The following WDFY3 variants were observed in gnomAD, a reference collection of about 807,000 sequenced individuals.
WDFY3 encodes the protein WD repeat and FYVE domain containing 3, also known as WD repeat and FYVE domain-containing protein 3.
Under a neutral mutation model 409.6 loss-of-function variants are expected in WDFY3, and 66 were observed. The ratio of observed to expected loss-of-function variants is 0.16; its 90% CI spans 0.13 to 0.20. WDFY3 has a LOEUF of 0.20. Ranked by LOEUF, WDFY3 falls within the 10% of genes least tolerant of loss-of-function variation. WDFY3 has a pLI of 1.00. For missense variants in WDFY3, 3,031 were observed against 4,298.1 expected, an observed-to-expected ratio of 0.71 and a Z score of 8.24; for synonymous variants, 1,521 against 1,537.1, an observed-to-expected ratio of 0.99 and a Z score of 0.25.
At chr4:84,844,593 T>G (rs1184305604) in intron 5 of WDFY3, 2 of 1,128,608 alleles carry the variant, frequency 1.8e-6, no homozygotes, top group Non-Finnish European at 2.4e-6. Flanking sequence ...GGGGTCAACA[T>G]CATCCAGTCT....
At chr4:84,862,937 A>G (rs1760859949) in intron 3 of WDFY3, among the ~76,000 whole-genome samples, 1 of 152,216 alleles carries the variant, frequency 6.6e-6, no homozygotes, top group Non-Finnish European at 1.5e-5. Context: ...TATAATCCAC[A>G]TGTAAGTGAT....
chr4:84,674,168 G>A (rs1443843026), intron 67 of WDFY3, among the ~76,000 whole-genome samples: 1 of 152,090 alleles, frequency 6.6e-6, no homozygotes, highest in African/African-American at 2.4e-5. Context: ...ACATTTAATA[G>A]CAATGGATAA....
chr4:84,730,184 T>C (rs1193491044), intron 44 of WDFY3, among the ~76,000 whole-genome samples: 2 of 152,156 alleles, frequency 1.3e-5, no homozygotes, highest in African/African-American at 4.8e-5. Flanking sequence ...TTACTCTTTT[T>C]CTTAGAGAGC....
chr4:84,740,801 CA>C (rs1321137186), intron 38 of WDFY3, among the ~76,000 whole-genome samples: 1 of 151,954 alleles, frequency 6.6e-6, no homozygotes, highest in Non-Finnish European at 1.5e-5. Context: ...TTACTAAAAT[CA>C]TTTTTTTTTG....
chr4:84,690,385 C>G, intron 61 of WDFY3, 121 bp downstream of exon 61: 2 of 1,388,544 alleles, frequency 1.4e-6, no homozygotes, highest in South Asian at 2.7e-5. Context: ...CAGAACGTCA[C>G]TTTGGTTTTG....
intron 67 of WDFY3, among the ~76,000 whole-genome samples, chr4:84,675,453 T>C (rs950417144): frequency 2.0e-4 from 30 of 152,196 alleles, no homozygotes; most frequent in Admixed American, 2.0e-3. Context: ...CTGAACTTGG[T>C]GCTTTACAAC....
intron 58 of WDFY3, 33 bp from the exon 59 acceptor site, chr4:84,693,065 G>T (rs1306286516): frequency 4.4e-6 from 7 of 1,597,646 alleles, no homozygotes; most frequent in Non-Finnish European, 5.1e-6. Context: ...ACTTTATAAT[G>T]AAAGATAACA....
At chr4:84,925,727 G>A (rs1384071778) in intron 2 of WDFY3, among the ~76,000 whole-genome samples, 4 of 151,984 alleles carry the variant, frequency 2.6e-5, no homozygotes, top group Non-Finnish European at 2.9e-5. Flanking sequence ...TGTAAACAAC[G>A]TCCTTTATTT....
intron 52 of WDFY3, 121 bp downstream of exon 52, chr4:84,709,172 A>C: frequency 1.4e-6 from 2 of 1,415,358 alleles, no homozygotes; most frequent in African/African-American, 1.5e-5. Flanking sequence ...TTCTAAAAAG[A>C]ATGAAAATAA....
intron 43 of WDFY3, 44 bp from the exon 44 acceptor site, chr4:84,733,653 G>T: frequency 1.3e-6 from 2 of 1,540,328 alleles, no homozygotes; most frequent in Non-Finnish European, 1.8e-6. Flanking sequence ...AAAAGCAGGA[G>T]TAACAGTAAC....
At chr4:84,950,103 A>G (rs974546980) in intron 1 of WDFY3, among the ~76,000 whole-genome samples, 2 of 152,236 alleles carry the variant, frequency 1.3e-5, no homozygotes, top group South Asian at 4.1e-4. Context: ...TTGCAGGGAC[A>G]TGGATGAAGC....
chr4:84,765,701 A>G (rs1252147012), intron 32 of WDFY3, 109 bp downstream of exon 32: 3 of 811,810 alleles, frequency 3.7e-6, no homozygotes, highest in South Asian at 4.6e-5. Context: ...ATTAAAATTA[A>G]TATCTCCTTA....
At chr4:84,939,187 G>A (rs990549691) in intron 1 of WDFY3, among the ~76,000 whole-genome samples, 4 of 151,880 alleles carry the variant, frequency 2.6e-5, no homozygotes, top group Admixed American at 6.6e-5. Context: ...TTCCCTCCCC[G>A]CTTTTTAAAG....
intron 1 of WDFY3, among the ~76,000 whole-genome samples, chr4:84,960,577 G>A (rs1774786380): frequency 6.6e-6 from 1 of 152,100 alleles, no homozygotes; most frequent in Non-Finnish European, 1.5e-5. Context: ...TTATTACGGG[G>A]TACTCAAACT....
intron 3 of WDFY3, among the ~76,000 whole-genome samples, chr4:84,881,146 C>A (rs76976979): frequency 0.067 from 10,144 of 152,108 alleles, 462 homozygotes; most frequent in Admixed American, 0.12. Flanking sequence ...TAATTTTTTA[C>A]CATACATACG....
intron 37 of WDFY3, 134 bp from the exon 38 acceptor site, chr4:84,742,055 T>C (rs2149235054): frequency 2.8e-6 from 2 of 710,356 alleles, no homozygotes; most frequent in Non-Finnish European, 4.3e-6. Context: ...CTAGCTTTTA[T>C]GCACTACTTG....
intron 63 of WDFY3, among the ~76,000 whole-genome samples, 180 bp downstream of exon 63, chr4:84,683,763 G>A (rs1193376732): frequency 1.3e-5 from 2 of 152,222 alleles, no homozygotes; most frequent in Non-Finnish European, 2.9e-5. Flanking sequence ...GAAGAAAAGA[G>A]GCCAAGACAC....
At chr4:84,780,797 T>A (rs1403406475) in intron 25 of WDFY3, among the ~76,000 whole-genome samples, 1 of 149,812 alleles carries the variant, frequency 6.7e-6, no homozygotes, top group African/African-American at 2.5e-5. Flanking sequence ...AAATAAATAA[T>A]AAAATTCTTT....
chr4:84,792,265 G>A (rs999181320), intron 21 of WDFY3, among the ~76,000 whole-genome samples: 3 of 152,170 alleles, frequency 2.0e-5, no homozygotes. Flanking sequence ...TATCCATGAG[G>A]TGACTTGATA....
Sources: gnomAD v4.1 joint callset for allele counts (sites outside exome capture counted in the v4.1 genomes callset) on GRCh38, gnomAD v4.1.1 for gene constraint, MANE v1.5 for transcripts, NCBI Gene and HGNC (gene_info 2026-07-23, HGNC 2026-07-21) for gene names.